Variants in NOVA2 observed in about 807,000 individuals in gnomAD.
NOVA2 encodes RNA-binding protein Nova-2.
In NOVA2, 9 loss-of-function variants were observed where a neutral mutation model predicts 22.5. The observed-to-expected ratio is 0.40, with a 90% confidence interval of 0.24 to 0.70. The LOEUF is 0.70. Among genes scored for constraint, NOVA2 ranks in the 30% least tolerant of loss-of-function variants. NOVA2 has a pLI of 0.38. For synonymous variants in NOVA2, 318 were observed against 335.2 expected, an observed-to-expected ratio of 0.95 and a Z score of 0.56; for missense variants, 383 against 682.8, an observed-to-expected ratio of 0.56 and a Z score of 4.89.
intron 3 of NOVA2, among the ~76,000 whole-genome samples, chr19:45,949,992 C>G (rs1442140734): frequency 6.6e-6 from 1 of 151,844 alleles, no homozygotes; most frequent in Non-Finnish European, 1.5e-5. Context: ...CCGCCCACCT[C>G]GGCTTCCCAA....
At chr19:45,962,946 C>T (rs1968117340) in intron 1 of NOVA2, among the ~76,000 whole-genome samples, 1 of 151,950 alleles carries the variant, frequency 6.6e-6, no homozygotes, top group Non-Finnish European at 1.5e-5. Flanking sequence ...CCGCACCTTG[C>T]TTATTATAAA....
intron 1 of NOVA2, among the ~76,000 whole-genome samples, chr19:45,972,761 C>A (rs1386176741): frequency 6.6e-6 from 1 of 152,120 alleles, no homozygotes; most frequent in Non-Finnish European, 1.5e-5. Context: ...TTTCACCCCA[C>A]ACACCTACCC....
intron 1 of NOVA2, among the ~76,000 whole-genome samples, chr19:45,970,505 A>AAG (rs1195692075): frequency 4.0e-5 from 6 of 151,484 alleles, no homozygotes; most frequent in African/African-American, 1.2e-4. Flanking sequence ...CCTCCTGAGT[A>AAG]GCTCGGACTA....
chr19:45,954,740 G>C (rs1967978171), intron 2 of NOVA2, among the ~76,000 whole-genome samples: 1 of 151,716 alleles, frequency 6.6e-6, no homozygotes, highest in East Asian at 1.9e-4. Flanking sequence ...CTGCATGAGA[G>C]TGTTAGGGAG....
At chr19:45,958,370 TGTGA>T (rs1245530109) in intron 2 of NOVA2, among the ~76,000 whole-genome samples, 4 of 145,020 alleles carry the variant, frequency 2.8e-5, no homozygotes, top group Non-Finnish European at 6.2e-5. Context: ...TGTGTGTGTG[TGTGA>T]GAGTGTGTGT....
chr19:45,967,061 G>A (rs543770605), intron 1 of NOVA2, among the ~76,000 whole-genome samples: 2 of 152,166 alleles, frequency 1.3e-5, no homozygotes, highest in South Asian at 4.2e-4. Flanking sequence ...CCCTGTATCA[G>A]ACTAGTGCAA....
intron 1 of NOVA2, among the ~76,000 whole-genome samples, chr19:45,964,587 C>CTCTCTCTCTCTCTCTCTT (rs1330929033): frequency 2.0e-5 from 3 of 151,676 alleles, no homozygotes; most frequent in Admixed American, 6.6e-5. Flanking sequence ...CTCTCTCTTT[C>CTCTCTCTCTCTCTCTCTT]TCTTTCTCTG....
intron 1 of NOVA2, among the ~76,000 whole-genome samples, chr19:45,969,551 A>T (rs1038083504): frequency 1.1e-4 from 15 of 135,980 alleles, no homozygotes; most frequent in African/African-American, 4.0e-4. Context: ...GGATGTTAGG[A>T]GCAAGATCTG....
At chr19:45,958,611 G>A (rs547611693) in intron 2 of NOVA2, among the ~76,000 whole-genome samples, 11 of 151,790 alleles carry the variant, frequency 7.2e-5, no homozygotes, top group South Asian at 2.1e-4. Flanking sequence ...GACAGTGTGC[G>A]TGTCAGCGTG....
At chr19:45,964,656 G>A (rs73053729) in intron 1 of NOVA2, among the ~76,000 whole-genome samples, 54,116 of 150,566 alleles carry the variant, frequency 0.36, 11,634 homozygotes, top group Non-Finnish European at 0.49. Context: ...GACCTCCTGG[G>A]CTCAAGTGAT....
intron 3 of NOVA2, among the ~76,000 whole-genome samples, chr19:45,951,196 G>C (rs1967919851): frequency 1.3e-5 from 2 of 152,190 alleles, no homozygotes; most frequent in Non-Finnish European, 2.9e-5. Flanking sequence ...AGCAGAGTTG[G>C]CCTGGCGCAA....
intron 1 of NOVA2, among the ~76,000 whole-genome samples, chr19:45,963,518 C>T (rs1363751079): frequency 6.6e-6 from 1 of 151,782 alleles, no homozygotes; most frequent in Non-Finnish European, 1.5e-5. Context: ...AGCTTCTCTT[C>T]CCCTCAGTCA....
In NOVA2 at chr19:45,937,811, C is replaced by T. The variant is rs1248380547; in HGVS notation, c.*2052G>A. On this transcript the variant is annotated 3_prime_UTR_variant, in exon 4 of 4. Transcript: ENST00000263257. ...GGGTGGGAAATTCAGTGCAAGGTACCTCGAAGGCTATTGCTTTCTAGGGAT... is the reference window on the plus strand; with the variant it reads ...GGGTGGGAAATTCAGTGCAAGGTACTTCGAAGGCTATTGCTTTCTAGGGAT... The T allele has an allele frequency of 6.6e-6, 1 of 152,130 alleles. No individual in the cohort carries two copies. The highest frequency in any genetic ancestry group is 1.5e-5 in the Non-Finnish European group (1 of 68,034). 9.4% of individuals were successfully genotyped at this position (152,130 alleles called of 1,614,324 possible).
At position 45,935,031 on chromosome 19, in the gene NOVA2, G is replaced by T. The variant is rs1278745879; in HGVS notation, c.*4832C>A. On this transcript the variant is annotated 3_prime_UTR_variant, in exon 4 of 4. Transcript: ENST00000263257. ...TTCGATGAGCGAGTCTGACGGTCGA[G>T]TGGGGCGGGCTGGAGCAATGAGGCC... The T allele has an allele frequency of 6.6e-6, 1 of 151,904 alleles. No individual in the cohort carries two copies. The highest frequency in any genetic ancestry group is 2.4e-5 in the African/African-American group (1 of 41,288). 9.4% of individuals were successfully genotyped at this position (151,904 alleles called of 1,614,324 possible).
rs1252334334 is a variant in NOVA2 at position 45,940,580 on chromosome 19, G to A, written c.762C>T (p.Gly254=). The change falls in exon 4 of 4, where the codon GGC becomes GGT. Residue 254 remains glycine (G), a synonymous_variant. Transcript: ENST00000263257. ...CCCCCACGCCAGCCAGCCCGGCGGG[G>A]CCCAGCAGGCCGGAGGCGGCGGCGG... The part of the protein sequence containing the change: ...ASAAAASGLL[G]PAGLAGVGAF... 3.5e-6 allele frequency: 5 copies of A among 1,441,434 alleles called. No individual in the cohort carries two copies. The highest frequency in any genetic ancestry group is 6.1e-5 in the East Asian group (2 of 32,930). The allele number at this position is 1,441,434 out of a possible 1,614,324, so 89.3% of individuals were successfully genotyped here.
At chr19:45,973,081 C>A (rs1968254674) in intron 1 of NOVA2, among the ~76,000 whole-genome samples, 186 bp downstream of exon 1, 2 of 149,782 alleles carry the variant, frequency 1.3e-5, no homozygotes, top group Admixed American at 6.6e-5. Flanking sequence ...CTCCCAGCCC[C>A]GGGCCTCAGC....
In NOVA2 at chr19:45,953,840, C is replaced by G; in HGVS notation, c.336G>C (p.Lys112Asn). The G allele has an allele frequency of 6.2e-7, 1 of 1,614,192 alleles. No homozygotes were observed. Among genetic ancestry groups the G allele is most frequent in the Non-Finnish European group, 8.5e-7 (1 of 1,180,036 alleles). Residue 112 changes from lysine (K) to asparagine (N), a missense_variant, in exon 3 of 4, where the codon AAG (lysine) becomes AAC (asparagine). This residue lies in a region of NOVA2 where 349 missense variants were observed against 578.1 expected (regional missense o/e 0.60). Transcript: ENST00000263257. ...GTTGAAGGATGTTGACCACCTCAGG[C>G]TTGGTCATCGCTTGTGGGATTTCTC... ...KVREIPQAMTKPEVVNILQPQ... is the reference protein window; with the variant it reads ...KVREIPQAMTNPEVVNILQPQ...
rs1967928466 is a variant in NOVA2, at chr19:45,951,683, G to C, written c.396+2097C>G. 2.0e-5 allele frequency among the ~76,000 whole-genome samples: 3 copies of C among 151,878 alleles called. No individual in the cohort carries two copies. The South Asian group carries it at 6.2e-4, about 32-fold the overall frequency. On this transcript the variant is annotated intron_variant, in intron 3 of 3. Transcript: ENST00000263257. The stretch of plus-strand genomic sequence containing the variant: ...GTGGTCGTGTTCACCTGTAGTCCCA[G>C]CTATTCAGTGGGCTGAGGTGGGAGG...
rs1395016043 is a variant in NOVA2, at chr19:45,934,680, T to C, written c.*5183A>G. On this transcript the variant is annotated 3_prime_UTR_variant, in exon 4 of 4. Transcript: ENST00000263257. ...CCAGTACAAAAGTGACTATTTACAA[T>C]GAAGGCGTGGGGAGTGTGTGGGGGG... 1.3e-5 allele frequency: 2 copies of C among 151,966 alleles called. No individual in the cohort carries two copies. Among genetic ancestry groups the C allele is most frequent in the African/African-American group, 2.4e-5 (1 of 41,338 alleles). 9.4% of individuals were successfully genotyped at this position (151,966 alleles called of 1,614,324 possible).
Sources: gnomAD v4.1 joint callset for allele counts (sites outside exome capture counted in the v4.1 genomes callset) on GRCh38, gnomAD v4.1.1 for gene constraint, gnomAD v4.1.1 regional missense constraint, MANE v1.5 for transcripts, NCBI Gene and HGNC (gene_info 2026-07-23, HGNC 2026-07-21) for gene names.